The following MRTFB variants were observed in gnomAD, a reference collection of about 807,000 sequenced individuals.
MRTFB encodes myocardin related transcription factor B, also known as myocardin-related transcription factor B.
Under a neutral mutation model 104.2 loss-of-function variants are expected in MRTFB, and 29 were observed. The ratio of observed to expected loss-of-function variants is 0.28; its 90% CI spans 0.21 to 0.38. The LOEUF is 0.38. MRTFB is among the 10% of genes least tolerant of loss of function. MRTFB has a pLI of 1.00. For missense variants in MRTFB, 1,270 were observed against 1,341.6 expected, an observed-to-expected ratio of 0.95 and a Z score of 0.83; for synonymous variants, 535 against 519.5, an observed-to-expected ratio of 1.03 and a Z score of -0.41.
chr16:14,132,587 A>G (rs1185825202), intron 2 of MRTFB, among the ~76,000 whole-genome samples: 1 of 152,220 alleles, frequency 6.6e-6, no homozygotes, highest in Non-Finnish European at 1.5e-5. Context: ...CAAGAGTACA[A>G]TATTAACACA....
chr16:13,998,051 A>T, the MRTFB span, among the ~76,000 whole-genome samples: 1 of 152,194 alleles, frequency 6.6e-6, no homozygotes, highest in South Asian at 2.1e-4. Flanking sequence ...GCAAAGATTT[A>T]AAGGAAGAGC....
At chr16:14,012,853 G>A in the MRTFB span, among the ~76,000 whole-genome samples, 2 of 152,138 alleles carry the variant, frequency 1.3e-5, no homozygotes, top group Admixed American at 6.5e-5. Flanking sequence ...TAGGGGATGA[G>A]AAGGCAAACC....
chr16:14,239,137 A>G (rs1416567548), intron 9 of MRTFB, among the ~76,000 whole-genome samples: 3 of 152,224 alleles, frequency 2.0e-5, no homozygotes, highest in African/African-American at 7.2e-5. Flanking sequence ...CTTGTTGCAG[A>G]ATCATTCTTT....
At chr16:14,122,459 G>T (rs369405081) in intron 2 of MRTFB, among the ~76,000 whole-genome samples, 1 of 151,800 alleles carries the variant, frequency 6.6e-6, no homozygotes. Flanking sequence ...AACAGGCCCT[G>T]GTGTGTGATG....
chr16:14,118,726 TATATATATACACAC>T (rs1161377829), intron 2 of MRTFB, among the ~76,000 whole-genome samples: 1 of 150,880 alleles, frequency 6.6e-6, no homozygotes, highest in South Asian at 2.1e-4. Flanking sequence ...AGTATTTACA[TATATATATACACAC>T]ATATATATAC....
intron 6 of MRTFB, chr16:14,214,884 G>A (rs370820182): frequency 2.8e-4 from 42 of 152,322 alleles, no homozygotes; most frequent in African/African-American, 8.2e-4. Context: ...GGCAGGAGGT[G>A]AGAGGTATGT....
At chr16:14,207,339 GTTTTA>G (rs1159098596) in intron 3 of MRTFB, among the ~76,000 whole-genome samples, 1 of 152,192 alleles carries the variant, frequency 6.6e-6, no homozygotes, top group East Asian at 1.9e-4. Context: ...TGTGTGTGTT[GTTTTA>G]TTTTAATAAT....
At chr16:14,212,203 T>G in intron 4 of MRTFB, 151 bp from the exon 5 acceptor site, 1 of 660,396 alleles carries the variant, frequency 1.5e-6, no homozygotes, top group Non-Finnish European at 2.6e-6. Flanking sequence ...ATTTAAGATT[T>G]CAAATTTTGC....
intron 9 of MRTFB, among the ~76,000 whole-genome samples, chr16:14,237,748 G>A (rs957102498): frequency 1.3e-5 from 2 of 152,120 alleles, no homozygotes; most frequent in African/African-American, 2.4e-5. Flanking sequence ...GCAGAGTCTC[G>A]GTGCAGGCAG....
the MRTFB span, among the ~76,000 whole-genome samples, chr16:14,007,948 A>T: frequency 6.6e-6 from 1 of 152,138 alleles, no homozygotes; most frequent in African/African-American, 2.4e-5. Flanking sequence ...TTGAGTGGTA[A>T]TCATTCTTTA....
chr16:14,186,849 C>CT (rs1191855092), intron 3 of MRTFB: 30 of 1,595,784 alleles, frequency 1.9e-5, no homozygotes, highest in Non-Finnish European at 2.4e-5. Context: ...GCGCACCGCA[C>CT]TTCGCTCTTC....
intron 10 of MRTFB, among the ~76,000 whole-genome samples, chr16:14,243,986 T>A (rs1428175392): frequency 6.6e-6 from 1 of 151,672 alleles, no homozygotes; most frequent in East Asian, 1.9e-4. Context: ...CACGCCATTC[T>A]CCTGCCTCAG....
chr16:14,149,015 CAATT>C (rs2038474847), intron 3 of MRTFB, among the ~76,000 whole-genome samples: 1 of 152,156 alleles, frequency 6.6e-6, no homozygotes, highest in African/African-American at 2.4e-5. Context: ...CCAGCTCTCT[CAATT>C]AGTCAGACTT....
intron 3 of MRTFB, chr16:14,195,416 A>ATG (rs1555498026): frequency 1.6e-6 from 1 of 620,650 alleles, no homozygotes; most frequent in East Asian, 1.4e-4. Context: ...CACATTGCAC[A>ATG]TGTGTGTGTA....
intron 8 of MRTFB, among the ~76,000 whole-genome samples, chr16:14,222,703 A>T (rs2041790616): frequency 1.3e-5 from 2 of 152,074 alleles, no homozygotes; most frequent in African/African-American, 4.8e-5. Flanking sequence ...CCTGAGCAAC[A>T]TAGCGACACC....
chr16:14,058,708 A>AT, the MRTFB span, among the ~76,000 whole-genome samples: 1 of 102,556 alleles, frequency 9.8e-6, no homozygotes, highest in East Asian at 2.7e-4. Context: ...TTTTATTTGT[A>AT]TTTGTTTTTT....
At chr16:14,023,596 CACACACACACACACATACATAT>C in the MRTFB span, among the ~76,000 whole-genome samples, 2 of 89,660 alleles carry the variant, frequency 2.2e-5, no homozygotes, top group African/African-American at 9.5e-5. Context: ...CACACACACA[CACACACACACACACATACATAT>C]ACATATACAT....
chr16:14,073,172 T>C (rs1476776113), intron 1 of MRTFB, among the ~76,000 whole-genome samples: 1 of 152,208 alleles, frequency 6.6e-6, no homozygotes, highest in Non-Finnish European at 1.5e-5. Flanking sequence ...AACTTTTAAA[T>C]ATTGTAAAGT....
intron 3 of MRTFB, among the ~76,000 whole-genome samples, chr16:14,192,451 G>A (rs1843782430): frequency 6.6e-6 from 1 of 152,010 alleles, no homozygotes; most frequent in Non-Finnish European, 1.5e-5. Context: ...TCTCTTCACA[G>A]ACATTATTCA....
Sources: allele counts gnomAD v4.1 joint callset (sites outside exome capture counted in the v4.1 genomes callset), GRCh38; gene constraint gnomAD v4.1.1; transcripts MANE v1.5; gene names NCBI Gene and HGNC (gene_info 2026-07-23, HGNC 2026-07-21).